The following PTPRD variants were observed in gnomAD, a reference collection of about 807,000 sequenced individuals.
The protein encoded by PTPRD is receptor-type tyrosine-protein phosphatase delta.
Under a neutral mutation model 214.5 loss-of-function variants are expected in PTPRD, and 34 were observed. The observed-to-expected ratio is 0.16, with a 90% CI of 0.12 to 0.21. The LOEUF (loss-of-function observed/expected upper bound fraction) is 0.21, where lower values mean the gene tolerates loss of function less well. PTPRD is among the 10% of genes least tolerant of loss of function. The pLI, the probability that PTPRD is intolerant of heterozygous loss-of-function variation, is 1.00. For missense variants in PTPRD, 2,545 were observed against 2,398.7 expected, an observed-to-expected ratio of 1.06 and a Z score of -1.27; for synonymous variants, 1,128 against 845.7, an observed-to-expected ratio of 1.33 and a Z score of -5.79.
rs76675972 is a variant in PTPRD at position 10,237,735 on chromosome 9, C to G, written c.-545+103228G>C. ...GAACATGTTAAATGAAAAACAAAAT[C>G]CAGAAGATAGTGAAGAGAAATAACA... On this transcript the variant is annotated intron_variant, in intron 3 of 45. Transcript: ENST00000381196. 5.7e-3 allele frequency among the ~76,000 whole-genome samples: 869 copies of G among 151,888 alleles called. 10 individuals are homozygous for G. The highest frequency in any genetic ancestry group is 0.02 in the African/African-American group (818 of 41,474).
chr9:9,342,681 C>T lies in PTPRD; in HGVS notation c.-203+54768G>A, dbSNP rs2047251800. 2.0e-5 allele frequency among the ~76,000 whole-genome samples: 3 copies of T among 150,018 alleles called. No individual in the cohort carries two copies. In the Admixed American group the frequency reaches 2.0e-4, roughly 10 times the overall value. ...GTGGTTACCTGAGTATCTTCCAAGG[C>T]AGTCTCACAAATTGTATATCTCTGA... On this transcript the variant is annotated intron_variant, in intron 9 of 45. Transcript: ENST00000381196.
intron 11 of PTPRD, among the ~76,000 whole-genome samples, chr9:8,907,059 T>C (rs905739880): frequency 6.6e-6 from 1 of 152,076 alleles, no homozygotes; most frequent in Non-Finnish European, 1.5e-5. Context: ...TATGTATCTA[T>C]CAGCAGATGA....
chr9:9,362,881 T>C (rs980843528), intron 9 of PTPRD, among the ~76,000 whole-genome samples: 8 of 151,276 alleles, frequency 5.3e-5, no homozygotes, highest in African/African-American at 1.7e-4. Flanking sequence ...ATAGATAGAA[T>C]AATTAAGTGT....
chr9:10,127,420 T>C (rs1160836217), intron 3 of PTPRD, among the ~76,000 whole-genome samples: 1 of 152,180 alleles, frequency 6.6e-6, no homozygotes, highest in Non-Finnish European at 1.5e-5. Flanking sequence ...GATAGTCACT[T>C]ATATTCAACA....
At chr9:9,338,458 GT>G (rs952305812) in intron 9 of PTPRD, among the ~76,000 whole-genome samples, 2 of 151,912 alleles carry the variant, frequency 1.3e-5, no homozygotes, top group East Asian at 3.9e-4. Flanking sequence ...AAGGCTTTAG[GT>G]TTTTTTAGTT....
chr9:9,811,362 C>G (rs1274715211), intron 5 of PTPRD, among the ~76,000 whole-genome samples: 3 of 152,046 alleles, frequency 2.0e-5, no homozygotes, highest in African/African-American at 4.8e-5. Flanking sequence ...ACAGCATTGC[C>G]AAAATCTCAT....
At chr9:10,158,665 G>A (rs1415670375) in intron 3 of PTPRD, among the ~76,000 whole-genome samples, 1 of 152,094 alleles carries the variant, frequency 6.6e-6, no homozygotes, top group East Asian at 1.9e-4. Flanking sequence ...TATGGTAAAA[G>A]AACCAAATAT....
chr9:8,520,527 C>G (rs551312825), intron 20 of PTPRD, among the ~76,000 whole-genome samples: 6 of 152,154 alleles, frequency 3.9e-5, no homozygotes, highest in African/African-American at 1.2e-4. Context: ...TGCAATAGTT[C>G]TAGCCATCTG....
intron 5 of PTPRD, among the ~76,000 whole-genome samples, chr9:9,904,663 A>T (rs1044346098): frequency 6.6e-6 from 1 of 152,110 alleles, no homozygotes; most frequent in African/African-American, 2.4e-5. Flanking sequence ...AATGCTCCAA[A>T]AAAGGTGAAC....
chr9:10,426,944 C>A (rs867444959), intron 2 of PTPRD, among the ~76,000 whole-genome samples: 2 of 151,822 alleles, frequency 1.3e-5, no homozygotes, highest in Non-Finnish European at 2.9e-5. Flanking sequence ...TTTTAGAAAA[C>A]AAAGATGACA....
intron 7 of PTPRD, among the ~76,000 whole-genome samples, chr9:9,630,411 T>A (rs1296055912): frequency 6.6e-6 from 1 of 152,180 alleles, no homozygotes; most frequent in Non-Finnish European, 1.5e-5. Flanking sequence ...ATCCAACCAA[T>A]GTCCCACTTT....
At chr9:10,602,835 T>G (rs1016627041) in intron 2 of PTPRD, among the ~76,000 whole-genome samples, 2 of 151,816 alleles carry the variant, frequency 1.3e-5, no homozygotes, top group African/African-American at 4.8e-5. Flanking sequence ...CATTTCATTA[T>G]TATGTGGGGC....
chr9:9,174,588 T>C (rs1433214212), intron 10 of PTPRD, among the ~76,000 whole-genome samples: 1 of 152,162 alleles, frequency 6.6e-6, no homozygotes, highest in East Asian at 1.9e-4. Context: ...ACTGTGGTTT[T>C]AAATTGTGTA....
At chr9:9,594,447 G>A (rs1358110705) in intron 7 of PTPRD, among the ~76,000 whole-genome samples, 1 of 151,982 alleles carries the variant, frequency 6.6e-6, no homozygotes, top group African/African-American at 2.4e-5. Context: ...GTTGATTTTT[G>A]CATAAGGTGA....
intron 30 of PTPRD, among the ~76,000 whole-genome samples, chr9:8,475,963 TAAAACATTTCAA>T (rs1279759632): frequency 2.6e-5 from 4 of 152,326 alleles, no homozygotes; most frequent in Middle Eastern, 3.4e-3. Flanking sequence ...TTCCACTTTT[TAAAACATTTCAA>T]TGGATCCTCA....
intron 8 of PTPRD, among the ~76,000 whole-genome samples, chr9:9,404,175 G>C (rs1569568035): frequency 6.6e-6 from 1 of 152,016 alleles, no homozygotes; most frequent in Non-Finnish European, 1.5e-5. Context: ...AAGAAATTTG[G>C]GTTTATATTC....
chr9:10,092,983 T>G (rs905253707), intron 3 of PTPRD, among the ~76,000 whole-genome samples: 1 of 151,602 alleles, frequency 6.6e-6, no homozygotes, highest in African/African-American at 2.4e-5. Flanking sequence ...ATGTAAAACT[T>G]CAAACTGTAA....
At chr9:10,467,429 A>G (rs1179782738) in intron 2 of PTPRD, among the ~76,000 whole-genome samples, 2 of 152,186 alleles carry the variant, frequency 1.3e-5, no homozygotes, top group African/African-American at 2.4e-5. Context: ...AATCTTCTCC[A>G]CAAGTCTTAC....
At chr9:9,023,833 A>G (rs1329327574) in intron 10 of PTPRD, among the ~76,000 whole-genome samples, 1 of 152,074 alleles carries the variant, frequency 6.6e-6, no homozygotes, top group African/African-American at 2.4e-5. Flanking sequence ...TGCAAAGGAC[A>G]TGATTATTTT....
Sources: allele counts gnomAD v4.1 joint callset (sites outside exome capture counted in the v4.1 genomes callset), GRCh38; gene constraint gnomAD v4.1.1; transcripts MANE v1.5; gene names NCBI Gene and HGNC (gene_info 2026-07-23, HGNC 2026-07-21).